The following CRHBP variants were observed in gnomAD, a reference collection of about 807,000 sequenced individuals.
The protein encoded by CRHBP is corticotropin releasing hormone binding protein, also known as corticotropin-releasing hormone-binding protein.
CRHBP carries 19 observed loss-of-function variants against 34.9 expected under a neutral mutation model. The observed-to-expected ratio is 0.55, with a 90% confidence interval of 0.38 to 0.80. CRHBP has a LOEUF of 0.80. CRHBP is among the 30% of genes least tolerant of loss of function. CRHBP has a pLI of 0.00. For synonymous variants in CRHBP, 154 were observed against 153.4 expected, an observed-to-expected ratio of 1.00 and a Z score of -0.03; for missense variants, 328 against 409.2, an observed-to-expected ratio of 0.80 and a Z score of 1.71.
intron 2 of CRHBP, 69 bp downstream of exon 2, chr5:76,953,763 G>A: frequency 6.8e-7 from 1 of 1,467,020 alleles, no homozygotes; most frequent in South Asian, 1.2e-5. Context: ...GCGGGGGGCA[G>A]AGGGCTCGCG....
chr5:76,974,109 C>T (rs980840938), downstream of CRHBP, among the ~76,000 whole-genome samples: 1 of 152,094 alleles, frequency 6.6e-6, no homozygotes, highest in Non-Finnish European at 1.5e-5. Flanking sequence ...TCTATTGCCT[C>T]AGCCTCCCAA....
chr5:76,975,916 G>GTA (rs1203649526), intron 2 of CRHBP, among the ~76,000 whole-genome samples: 9 of 110,562 alleles, frequency 8.1e-5, no homozygotes, highest in African/African-American at 3.7e-4. Flanking sequence ...GTATATATAT[G>GTA]TGTATATATA....
intron 3 of CRHBP, among the ~76,000 whole-genome samples, chr5:76,980,250 G>A (rs1195921042): frequency 1.2e-5 from 1 of 83,048 alleles, no homozygotes; most frequent in Non-Finnish European, 2.0e-5. Context: ...GCGAGACTCC[G>A]TCTCAAAAAA....
At chr5:76,954,985 C>T (rs539551705) in intron 3 of CRHBP, among the ~76,000 whole-genome samples, 3 of 152,288 alleles carry the variant, frequency 2.0e-5, no homozygotes, top group South Asian at 2.1e-4. Flanking sequence ...AGATTGGACT[C>T]GTTAAACTGG....
chr5:76,964,625 G>A lies in CRHBP; in HGVS notation c.811+1165G>A, dbSNP rs146512405. 2.8e-3 allele frequency among the ~76,000 whole-genome samples: 432 copies of A among 152,292 alleles called. 2 individuals are homozygous for A. Among genetic ancestry groups the A allele is most frequent in the African/African-American group, 9.8e-3 (407 of 41,564 alleles). On this transcript the variant is annotated intron_variant, in intron 6 of 6. Coordinates refer to ENST00000274368, the MANE Select transcript of CRHBP (RefSeq NM_001882.4). ...TCACAGCACTTTGGGAGGCCGAAGC[G>A]GGCAGATTACTGAGGTCAGGAGTTC...
chr5:76,964,211 C>T (rs1745824419), intron 6 of CRHBP, among the ~76,000 whole-genome samples: 1 of 152,102 alleles, frequency 6.6e-6, no homozygotes, highest in African/African-American at 2.4e-5. Flanking sequence ...ATAAAACATT[C>T]CTGTAAAGGT....
At chr5:76,981,057 C>A (rs1334599813) in exon 4 of CRHBP, 1 of 152,192 alleles carries the variant, frequency 6.6e-6, no homozygotes, top group African/African-American at 2.4e-5. Context: ...AGCACCTCCT[C>A]AATATCACCT....
chr5:76,965,480 C>T (rs1048443776), intron 6 of CRHBP, among the ~76,000 whole-genome samples: 2 of 152,158 alleles, frequency 1.3e-5, no homozygotes, highest in East Asian at 1.9e-4. Context: ...TCAGTGCATG[C>T]GGCTTCTTTA....
chr5:76,977,864 A>C (rs1271655716), intron 3 of CRHBP, among the ~76,000 whole-genome samples: 1 of 152,232 alleles, frequency 6.6e-6, no homozygotes, highest in Non-Finnish European at 1.5e-5. Flanking sequence ...CAAGTTGTGA[A>C]CGCCAAGGAA....
At chr5:76,960,091 C>G (rs1745753328) in intron 5 of CRHBP, among the ~76,000 whole-genome samples, 1 of 152,154 alleles carries the variant, frequency 6.6e-6, no homozygotes, top group Non-Finnish European at 1.5e-5. Context: ...ATGAGACAGG[C>G]AAAATTGCCA....
At position 76,964,651 on chromosome 5, in the gene CRHBP, G is replaced by A. The variant is rs1431568199; in HGVS notation, c.811+1191G>A. Among the ~76,000 whole-genome samples, 6 of 152,246 alleles carry A rather than the reference G, an allele frequency of 3.9e-5. No homozygotes were observed. In the South Asian group the frequency reaches 1.0e-3, roughly 26 times the overall value. On this transcript the variant is annotated intron_variant, in intron 6 of 6. Coordinates refer to ENST00000274368, the MANE Select transcript of CRHBP (RefSeq NM_001882.4). ...GGCAGATTACTGAGGTCAGGAGTTC[G>A]AGACCAGCGTGGCCAATATGGTGAA...
intron 4 of CRHBP, among the ~76,000 whole-genome samples, chr5:76,956,860 G>T (rs145285762): frequency 6.6e-6 from 1 of 152,160 alleles, no homozygotes; most frequent in African/African-American, 2.4e-5. Flanking sequence ...AACACTTCAT[G>T]CGGCTGAAAG....
At chr5:76,979,437 G>A (rs894099271) in intron 3 of CRHBP, among the ~76,000 whole-genome samples, 2 of 152,042 alleles carry the variant, frequency 1.3e-5, no homozygotes, top group South Asian at 2.1e-4. Context: ...TGCAACCTCC[G>A]CCTCCTGGGT....
At position 76,968,981 on chromosome 5, in the gene CRHBP, A is replaced by T; in HGVS notation, c.*96A>T. The T allele has an allele frequency of 2.8e-6, 4 of 1,421,450 alleles. No homozygotes were observed. In the South Asian group the frequency reaches 4.0e-5, roughly 14 times the overall value. The allele number at this position is 1,421,450 out of a possible 1,614,324, so 88.1% of individuals were successfully genotyped here. ...GCACAACTAGTTAAAAGCCTTTCAT[A>T]CCAGTCAGTATTCCCAGCCTTGAGC... On this transcript the variant is annotated 3_prime_UTR_variant, in exon 7 of 7. Transcript: ENST00000274368.
At chr5:76,960,127 A>G (rs2150706661) in intron 5 of CRHBP, among the ~76,000 whole-genome samples, 1 of 152,362 alleles carries the variant, frequency 6.6e-6, no homozygotes, top group African/African-American at 2.4e-5. Flanking sequence ...GATAAGTGCT[A>G]TACAGAAAAT....
downstream of CRHBP, among the ~76,000 whole-genome samples, chr5:76,973,281 T>C (rs951927766): frequency 6.6e-6 from 1 of 152,208 alleles, no homozygotes; most frequent in African/African-American, 2.4e-5. Flanking sequence ...ATACCTCAAA[T>C]GCACATCTTT....
At position 76,964,591 on chromosome 5, in the gene CRHBP, C is replaced by T. The variant is rs548848998; in HGVS notation, c.811+1131C>T. Reference sequence around the variant, plus strand: ...AGCGTAGGCTAGGCGCGGTGTCTCACGCCTGTAATCACAGCACTTTGGGAG... The same window carrying T: ...AGCGTAGGCTAGGCGCGGTGTCTCATGCCTGTAATCACAGCACTTTGGGAG... On this transcript the variant is annotated intron_variant, in intron 6 of 6. Transcript: ENST00000274368. 3.9e-5 allele frequency among the ~76,000 whole-genome samples: 6 copies of T among 152,314 alleles called. No homozygotes were observed. In the East Asian group the frequency reaches 5.8e-4, roughly 15 times the overall value.
Position 76,968,982 on chromosome 5 carries a change from C to A in CRHBP, c.*97C>A. ...CACAACTAGTTAAAAGCCTTTCATA[C>A]CAGTCAGTATTCCCAGCCTTGAGCG... On this transcript the variant is annotated 3_prime_UTR_variant, in exon 7 of 7. Transcript: ENST00000274368. The A allele has an allele frequency of 7.1e-7, 1 of 1,414,190 alleles. No individual in the cohort carries two copies. The highest frequency in any genetic ancestry group is 9.7e-7 in the Non-Finnish European group (1 of 1,030,074). 87.6% of individuals were successfully genotyped at this position (1,414,190 alleles called of 1,614,324 possible).
intron 2 of CRHBP, among the ~76,000 whole-genome samples, chr5:76,975,825 A>AATATATATAT (rs1217039736): frequency 3.2e-4 from 20 of 61,818 alleles, no homozygotes; most frequent in East Asian, 1.6e-3. Flanking sequence ...AAAAAAAAAA[A>AATATATATAT]ATATATATAT....
Sources: allele counts gnomAD v4.1 joint callset (sites outside exome capture counted in the v4.1 genomes callset), GRCh38; gene constraint gnomAD v4.1.1; transcripts MANE v1.5; gene names NCBI Gene and HGNC (gene_info 2026-07-23, HGNC 2026-07-21).